Variants in EYS observed in about 807,000 individuals in gnomAD.
The protein encoded by EYS is protein eyes shut homolog.
Under a neutral mutation model 282.1 loss-of-function variants are expected in EYS, and 250 were observed. The observed-to-expected ratio is 0.89, with a 90% confidence interval of 0.80 to 0.98. EYS has a LOEUF of 0.98. Ranked by LOEUF, EYS falls within the 50% of genes least tolerant of loss-of-function variation. EYS has a pLI of 0.00. For synonymous variants in EYS, 1,355 were observed against 1,282.9 expected, an observed-to-expected ratio of 1.06 and a Z score of -1.20; for missense variants, 4,016 against 3,709.0, an observed-to-expected ratio of 1.08 and a Z score of -2.15.
intron 1 of EYS, among the ~76,000 whole-genome samples, chr6:65,687,528 T>C (rs1216451954): frequency 4.6e-5 from 7 of 151,564 alleles, no homozygotes; most frequent in Non-Finnish European, 7.4e-5. Flanking sequence ...AAAGATTATG[T>C]GGGATGCCCT....
chr6:65,472,930 G>A (rs1013417177), intron 5 of EYS, among the ~76,000 whole-genome samples: 1 of 151,448 alleles, frequency 6.6e-6, no homozygotes, highest in African/African-American at 2.4e-5. Context: ...AGGTCCCTAG[G>A]TTATGCTTTC....
chr6:64,890,836 T>A (rs1767268917), intron 18 of EYS, among the ~76,000 whole-genome samples: 1 of 152,124 alleles, frequency 6.6e-6, no homozygotes, highest in African/African-American at 2.4e-5. Context: ...TTGTTTTTAA[T>A]AATATGAATC....
At chr6:65,502,742 T>C (rs1263120944) in intron 2 of EYS, among the ~76,000 whole-genome samples, 2 of 151,618 alleles carry the variant, frequency 1.3e-5, no homozygotes, top group African/African-American at 4.8e-5. Flanking sequence ...ATTGGTTAAG[T>C]ATTTGTAGAA....
At chr6:64,986,340 C>T (rs1179044762) in intron 14 of EYS, among the ~76,000 whole-genome samples, 2 of 151,424 alleles carry the variant, frequency 1.3e-5, no homozygotes, top group East Asian at 3.9e-4. Context: ...GTAAATAACA[C>T]ATACAAATTC....
chr6:65,102,297 T>C (rs1397019943), intron 12 of EYS, among the ~76,000 whole-genome samples: 2 of 151,370 alleles, frequency 1.3e-5, no homozygotes, highest in East Asian at 3.9e-4. Context: ...TATTAATTTA[T>C]ATCTCCTGAA....
intron 26 of EYS, among the ~76,000 whole-genome samples, chr6:64,536,142 AGTGT>A (rs1200003623): frequency 6.6e-6 from 1 of 152,140 alleles, no homozygotes; most frequent in Non-Finnish European, 1.5e-5. Context: ...AGCAAATTAT[AGTGT>A]GTATTTTCAT....
intron 6 of EYS, among the ~76,000 whole-genome samples, chr6:65,404,641 A>G (rs1419224277): frequency 1.3e-5 from 2 of 151,964 alleles, no homozygotes; most frequent in Non-Finnish European, 2.9e-5. Flanking sequence ...TATGTTCTAT[A>G]TAATATAACT....
At chr6:65,636,806 T>C (rs1205118463) in intron 2 of EYS, among the ~76,000 whole-genome samples, 2 of 152,170 alleles carry the variant, frequency 1.3e-5, no homozygotes, top group Non-Finnish European at 2.9e-5. Context: ...TACTTTTATT[T>C]ATTTAGTTAT....
intron 29 of EYS, among the ~76,000 whole-genome samples, chr6:64,323,980 G>A (rs150107341): frequency 3.9e-5 from 6 of 152,178 alleles, no homozygotes; most frequent in South Asian, 2.1e-4. Flanking sequence ...CCCATTTTCT[G>A]GGGGAAGTTT....
At chr6:64,653,122 CT>C (rs1562114244) in intron 22 of EYS, among the ~76,000 whole-genome samples, 1 of 151,880 alleles carries the variant, frequency 6.6e-6, no homozygotes, top group Non-Finnish European at 1.5e-5. Context: ...GAAAATTGGG[CT>C]AAATGGAGAG....
intron 2 of EYS, among the ~76,000 whole-genome samples, chr6:65,518,817 C>A (rs533783471): frequency 6.6e-6 from 1 of 152,058 alleles, no homozygotes; most frequent in Non-Finnish European, 1.5e-5. Context: ...AAAATCAGGT[C>A]TTGCAGTCCC....
intron 9 of EYS, among the ~76,000 whole-genome samples, chr6:65,351,822 A>G (rs1764288725): frequency 6.6e-6 from 1 of 151,680 alleles, no homozygotes; most frequent in Non-Finnish European, 1.5e-5. Context: ...TTCCAGTTTG[A>G]TTGTTCTGTA....
chr6:65,511,229 T>G (rs1013881919), intron 2 of EYS, among the ~76,000 whole-genome samples: 1 of 152,186 alleles, frequency 6.6e-6, no homozygotes, highest in East Asian at 1.9e-4. Flanking sequence ...TAATGGTATA[T>G]GCTTTTCATC....
chr6:64,193,064 C>T (rs534807405), intron 31 of EYS, among the ~76,000 whole-genome samples: 1 of 152,152 alleles, frequency 6.6e-6, no homozygotes, highest in South Asian at 2.1e-4. Flanking sequence ...AAAATCCTCT[C>T]ACCTTGTTTT....
chr6:64,575,546 C>T (rs113205252), intron 26 of EYS, among the ~76,000 whole-genome samples: 213 of 152,136 alleles, frequency 1.4e-3, no homozygotes, highest in African/African-American at 4.7e-3. Context: ...AACATTAAAA[C>T]GTATAAATAG....
intron 12 of EYS, among the ~76,000 whole-genome samples, chr6:65,245,654 T>G (rs536939074): frequency 1.3e-5 from 2 of 152,196 alleles, no homozygotes; most frequent in African/African-American, 4.8e-5. Context: ...ACATTTTTAC[T>G]AGTGTTCAGT....
rs183993873 is a variant in EYS at position 65,069,221 on chromosome 6, G to A, written c.2024-11494C>T. Among the ~76,000 whole-genome samples, 424 of 151,852 alleles carry A rather than the reference G, an allele frequency of 2.8e-3. 1 individual carries two copies. The highest frequency in any genetic ancestry group is 9.1e-3 in the African/African-American group (376 of 41,456). ...TCTGCTTTTACTGTCTTCTTTGATC[G>A]GCATTTAAAACTATTCTAGCCTTTT... On this transcript the variant is annotated intron_variant, in intron 12 of 42. Coordinates refer to ENST00000503581, the MANE Select transcript of EYS (RefSeq NM_001142800.2).
At chr6:65,531,594 A>G (rs1375964639) in intron 2 of EYS, among the ~76,000 whole-genome samples, 1 of 152,170 alleles carries the variant, frequency 6.6e-6, no homozygotes. Flanking sequence ...AGAGTTTTAA[A>G]TGGATAGGGA....
intron 2 of EYS, among the ~76,000 whole-genome samples, chr6:65,563,974 A>G (rs979342572): frequency 6.6e-6 from 1 of 152,138 alleles, no homozygotes; most frequent in Non-Finnish European, 1.5e-5. Context: ...AAACAATCTT[A>G]TACACCAATA....
Sources: allele counts gnomAD v4.1 joint callset (sites outside exome capture counted in the v4.1 genomes callset), GRCh38; gene constraint gnomAD v4.1.1; transcripts MANE v1.5; gene names NCBI Gene and HGNC (gene_info 2026-07-23, HGNC 2026-07-21).